The following PCDHA10 variants were observed in gnomAD, a reference collection of about 807,000 sequenced individuals.
PCDHA10 encodes the protein protocadherin alpha 10.
PCDHA10 carries 45 observed loss-of-function variants against 61.2 expected under a neutral mutation model. The observed-to-expected ratio is 0.74, with a 90% confidence interval of 0.58 to 0.94. PCDHA10 has a LOEUF of 0.94. Ranked by LOEUF, PCDHA10 falls within the 40% of genes least tolerant of loss-of-function variation. PCDHA10 has a pLI of 0.00. For missense variants in PCDHA10, 1,278 were observed against 1,236.2 expected, an observed-to-expected ratio of 1.03 and a Z score of -0.51; for synonymous variants, 602 against 548.8, an observed-to-expected ratio of 1.10 and a Z score of -1.35.
At position 141,010,070 on chromosome 5, in the gene PCDHA10, C is replaced by A. The variant is rs1331011642; in HGVS notation, c.*133C>A. The A allele has an allele frequency of 3.7e-5, 60 of 1,605,422 alleles. No individual in the cohort carries two copies. Among genetic ancestry groups the A allele is most frequent in the Non-Finnish European group, 5.0e-5 (59 of 1,175,768 alleles). ...AGACCTCAGAAATCTGCAGAAAGTT[C>A]CCTGTGTCTGTCTAGAACGCATTTA... is the stretch of plus-strand genomic sequence containing the variant. On this transcript the variant is annotated 3_prime_UTR_variant, in exon 4 of 4. Coordinates refer to ENST00000307360, the MANE Select transcript of PCDHA10 (RefSeq NM_018901.4).
At chr5:140,986,954 C>T (rs2097219916) in intron 3 of PCDHA10, among the ~76,000 whole-genome samples, 1 of 152,154 alleles carries the variant, frequency 6.6e-6, no homozygotes, top group African/African-American at 2.4e-5. Context: ...TCGCTCATGC[C>T]TGTAATTCCA....
intron 1 of PCDHA10, among the ~76,000 whole-genome samples, chr5:140,970,131 A>G (rs1554232260): frequency 6.6e-6 from 1 of 152,186 alleles, no homozygotes; most frequent in Non-Finnish European, 1.5e-5. Context: ...GAAGGAAGAG[A>G]AGGGAAAAAG....
chr5:140,883,632 T>C (rs782762437), intron 1 of PCDHA10: 1 of 1,613,936 alleles, frequency 6.2e-7, no homozygotes, highest in South Asian at 1.1e-5. Flanking sequence ...GCGCCGGCGT[T>C]CGCGCAGCCC....
In PCDHA10 at chr5:140,917,874, C is replaced by A. The variant is rs1240832097; in HGVS notation, c.2388+59438C>A. Among the ~76,000 whole-genome samples, 13 of 151,108 alleles carry A rather than the reference C, an allele frequency of 8.6e-5. No individual in the cohort carries two copies. In the East Asian group the frequency reaches 2.5e-3, roughly 29 times the overall value. ...CTTAGGATTGCTTTGACTATTTGGG[C>A]TCTTTTTTTTTTCCATATGAATGTT... On this transcript the variant is annotated intron_variant, in intron 1 of 3. Transcript: ENST00000307360.
At chr5:140,985,690 C>G (rs752184454) in intron 3 of PCDHA10, among the ~76,000 whole-genome samples, 1 of 151,742 alleles carries the variant, frequency 6.6e-6, no homozygotes, top group Admixed American at 6.6e-5. Flanking sequence ...TACGCTAATC[C>G]TCGTTCATAT....
intron 3 of PCDHA10, among the ~76,000 whole-genome samples, chr5:141,007,754 T>C (rs991882656): frequency 6.6e-6 from 1 of 152,172 alleles, no homozygotes; most frequent in African/African-American, 2.4e-5. Flanking sequence ...AACTTTGGAC[T>C]CTTATTGGCC....
At chr5:140,955,458 T>C (rs246018) in intron 1 of PCDHA10, among the ~76,000 whole-genome samples, 85,567 of 151,850 alleles carry the variant, frequency 0.56, 24,724 homozygotes, top group African/African-American at 0.69. Flanking sequence ...AAGGGCTTTT[T>C]CCTTTTTGCT....
intron 1 of PCDHA10, chr5:140,864,038 C>T (rs541763378): frequency 1.2e-4 from 19 of 153,004 alleles, no homozygotes; most frequent in African/African-American, 4.6e-4. Context: ...CCATCTTAAT[C>T]ACTTTTTACT....
intron 1 of PCDHA10, chr5:140,869,738 T>C (rs1454972321): frequency 1.2e-6 from 2 of 1,613,348 alleles, no homozygotes; most frequent in Non-Finnish European, 8.5e-7. Flanking sequence ...AATTTGCTGC[T>C]AACAGCTACA....
intron 1 of PCDHA10, chr5:140,927,757 A>G (rs957906084): frequency 3.2e-5 from 51 of 1,614,028 alleles, no homozygotes; most frequent in Admixed American, 1.0e-4. Flanking sequence ...CGTGCACCCT[A>G]AAAGTGGGGA....
chr5:140,857,881 G>T lies in PCDHA10; in HGVS notation c.1833G>T (p.Gln611His). The change falls in exon 1 of 4, where the codon CAG becomes CAT. Residue 611 changes from glutamine (Q) to histidine (H), a missense_variant. Transcript: ENST00000307360. ...GYNAWLSYEL[Q>H]SAAVGARIPF... The stretch of plus-strand genomic sequence containing the variant: ...ACGCGTGGCTGTCGTATGAATTGCA[G>T]TCGGCGGCGGTTGGTGCACGCATCC... 1 of 1,597,760 alleles carries T rather than the reference G, an allele frequency of 6.3e-7. No homozygotes were observed. The highest frequency in any genetic ancestry group is 8.6e-7 in the Non-Finnish European group (1 of 1,167,530).
chr5:140,970,748 A>G (rs2096429835), intron 1 of PCDHA10, among the ~76,000 whole-genome samples: 1 of 152,130 alleles, frequency 6.6e-6, no homozygotes, highest in African/African-American at 2.4e-5. Context: ...TTTGCAATAT[A>G]TTTTCATTGA....
intron 1 of PCDHA10, chr5:140,864,231 T>C (rs949424981): frequency 6.6e-6 from 1 of 152,222 alleles, no homozygotes; most frequent in East Asian, 1.9e-4. Flanking sequence ...AAGCAAGTTC[T>C]TTATTCCTAT....
chr5:140,890,702 A>G (rs552792120), intron 1 of PCDHA10, among the ~76,000 whole-genome samples: 1 of 152,318 alleles, frequency 6.6e-6, no homozygotes, highest in African/African-American at 2.4e-5. Flanking sequence ...GGGACCTTAC[A>G]TTTTTAAAAT....
chr5:140,861,263 C>T (rs1441824689), intron 1 of PCDHA10: 2 of 174,012 alleles, frequency 1.1e-5, no homozygotes, highest in African/African-American at 4.8e-5. Context: ...ATCCCGGAGC[C>T]TACAGCACTG....
chr5:140,978,890 A>G (rs2096827624), intron 1 of PCDHA10, 59 bp from the exon 2 acceptor site: 1 of 1,612,616 alleles, frequency 6.2e-7, no homozygotes. Context: ...AATTAGCAGC[A>G]TTCCTGGGAG....
At chr5:140,927,575 A>G (rs782237037) in intron 1 of PCDHA10, 1 of 1,614,202 alleles carries the variant, frequency 6.2e-7, no homozygotes, top group South Asian at 1.1e-5. Context: ...GACACAAATG[A>G]CAACGCGCCT....
intron 1 of PCDHA10, among the ~76,000 whole-genome samples, chr5:140,978,640 G>T (rs1339340351): frequency 6.6e-6 from 1 of 152,252 alleles, no homozygotes; most frequent in African/African-American, 2.4e-5. Flanking sequence ...TCTCAAAGCA[G>T]ACTGTTCTTC....
chr5:140,929,428 G>A, intron 1 of PCDHA10: 1 of 1,491,484 alleles, frequency 6.7e-7, no homozygotes. Flanking sequence ...TTCATCAATT[G>A]AACTAAACAC....
Sources: gnomAD v4.1 joint callset for allele counts (sites outside exome capture counted in the v4.1 genomes callset) on GRCh38, gnomAD v4.1.1 for gene constraint, MANE v1.5 for transcripts, NCBI Gene and HGNC (gene_info 2026-07-23, HGNC 2026-07-21) for gene names.